The following NBDY variants were observed in gnomAD, a reference collection of about 807,000 sequenced individuals.
The protein encoded by NBDY is negative regulator of P-body association, also known as P-body dissociating protein.
intron 2 of NBDY, among the ~76,000 whole-genome samples, chrX:56,763,041 A>G (rs1394767411): frequency 8.9e-6 from 1 of 112,575 alleles, no homozygotes; most frequent in East Asian, 2.8e-4. Context: ...CAAAGGGAAC[A>G]GGAGACAGGG....
intron 2 of NBDY, among the ~76,000 whole-genome samples, chrX:56,795,208 T>C (rs1223476708): frequency 9.0e-6 from 1 of 111,624 alleles, no homozygotes; most frequent in African/African-American, 3.3e-5. Context: ...TTATGTGGAG[T>C]GTTTTAATTT....
intron 2 of NBDY, among the ~76,000 whole-genome samples, chrX:56,747,766 C>G (rs2069564511): frequency 9.0e-6 from 1 of 111,476 alleles, no homozygotes; most frequent in Non-Finnish European, 1.9e-5. Flanking sequence ...AAAATCCCGA[C>G]AAAAAGTGAT....
chrX:56,761,202 G>A (rs926097312), intron 2 of NBDY, among the ~76,000 whole-genome samples: 1 of 112,130 alleles, frequency 8.9e-6, no homozygotes, highest in African/African-American at 3.2e-5. Flanking sequence ...GCACATATAT[G>A]TGTCCCTACT....
intron 2 of NBDY, among the ~76,000 whole-genome samples, chrX:56,792,240 G>A (rs2069768454): frequency 9.0e-6 from 1 of 111,110 alleles, no homozygotes; most frequent in African/African-American, 3.3e-5. Flanking sequence ...ATGTCGTGGT[G>A]AACGCACCCT....
At chrX:56,760,166 G>T (rs1020942215) in intron 2 of NBDY, among the ~76,000 whole-genome samples, 1 of 113,021 alleles carries the variant, frequency 8.8e-6, no homozygotes, top group Non-Finnish European at 1.9e-5. Context: ...TTTGAACCCC[G>T]GTGGGGGGAA....
At chrX:56,735,053 C>G (rs1176397912) in intron 2 of NBDY, among the ~76,000 whole-genome samples, 2 of 112,153 alleles carry the variant, frequency 1.8e-5, no homozygotes, top group Non-Finnish European at 3.8e-5. Flanking sequence ...CTCTACCATT[C>G]TGTCTACAGG....
intron 2 of NBDY, among the ~76,000 whole-genome samples, chrX:56,793,634 C>T (rs1426925692): frequency 9.0e-6 from 1 of 111,071 alleles, no homozygotes; most frequent in African/African-American, 3.3e-5. Flanking sequence ...GGCAGCTGGG[C>T]ACAACTGCTG....
chrX:56,813,715 A>G (rs748416108), intron 2 of NBDY, among the ~76,000 whole-genome samples: 13 of 111,794 alleles, frequency 1.2e-4, no homozygotes, highest in African/African-American at 4.2e-4. Flanking sequence ...GGCCTGGGTC[A>G]TCATGCCATT....
intron 2 of NBDY, among the ~76,000 whole-genome samples, chrX:56,801,731 A>G (rs994818997): frequency 2.7e-5 from 3 of 110,296 alleles, no homozygotes; most frequent in Non-Finnish European, 5.7e-5. Flanking sequence ...TTTTCTTTCA[A>G]TCCAGCCATG....
intron 2 of NBDY, among the ~76,000 whole-genome samples, chrX:56,803,728 CGCTGGAT>C (rs1333739871): frequency 2.7e-5 from 3 of 112,199 alleles, no homozygotes; most frequent in Admixed American, 1.9e-4. Context: ...AAACAACTGC[CGCTGGAT>C]GGCAGTGTGG....
chrX:56,804,078 G>C (rs2069837467), intron 2 of NBDY, among the ~76,000 whole-genome samples: 1 of 111,344 alleles, frequency 9.0e-6, no homozygotes, highest in African/African-American at 3.3e-5. Flanking sequence ...TATGGGGGAG[G>C]GGTGTGTGAG....
chrX:56,767,198 C>A (rs1228103607), intron 2 of NBDY, among the ~76,000 whole-genome samples: 1 of 113,555 alleles, frequency 8.8e-6, no homozygotes, highest in Non-Finnish European at 1.9e-5. Context: ...ACTTTCTACA[C>A]CAGCGAAAGC....
At chrX:56,732,236 A>G (rs1300465913) in intron 2 of NBDY, 37 bp downstream of exon 2, 12 of 291,389 alleles carry the variant, frequency 4.1e-5, no homozygotes, top group Non-Finnish European at 7.2e-5. Flanking sequence ...GAGGAGGAAG[A>G]GAAAAAAAAG....
intron 2 of NBDY, among the ~76,000 whole-genome samples, chrX:56,740,157 T>C (rs1311172333): frequency 2.7e-5 from 3 of 111,850 alleles, no homozygotes; most frequent in Non-Finnish European, 3.8e-5. Flanking sequence ...ACTTTTTACT[T>C]ACTTTAAAAT....
intron 2 of NBDY, among the ~76,000 whole-genome samples, chrX:56,782,302 C>T (rs981950363): frequency 9.0e-6 from 1 of 110,522 alleles, no homozygotes; most frequent in Non-Finnish European, 1.9e-5. Context: ...CCTCCATCTT[C>T]TCCTCCTCCT....
chrX:56,796,705 G>A (rs2069793538), intron 2 of NBDY, among the ~76,000 whole-genome samples: 1 of 110,740 alleles, frequency 9.0e-6, no homozygotes. Flanking sequence ...GGCCTTGTAG[G>A]CTTGGGGCTC....
At chrX:56,759,411 C>T (rs1448861615) in intron 2 of NBDY, among the ~76,000 whole-genome samples, 2 of 112,348 alleles carry the variant, frequency 1.8e-5, no homozygotes, top group Non-Finnish European at 3.8e-5. Flanking sequence ...ACAGGGTCTC[C>T]AGCCTACCAG....
At chrX:56,786,349 A>G (rs1409496306) in intron 2 of NBDY, among the ~76,000 whole-genome samples, 1 of 111,518 alleles carries the variant, frequency 9.0e-6, no homozygotes, top group Non-Finnish European at 1.9e-5. Context: ...GGCTGTGACT[A>G]TGGCTCTTTG....
At chrX:56,781,354 G>T (rs2069688398) in intron 2 of NBDY, among the ~76,000 whole-genome samples, 1 of 111,744 alleles carries the variant, frequency 8.9e-6, no homozygotes, top group African/African-American at 3.3e-5. Flanking sequence ...CCCAATATTT[G>T]CTGATGGAGT....
Sources: allele counts gnomAD v4.1 joint callset (sites outside exome capture counted in the v4.1 genomes callset), GRCh38; gene constraint gnomAD v4.1.1; transcripts MANE v1.5; gene names NCBI Gene and HGNC (gene_info 2026-07-23, HGNC 2026-07-21).